The following ZNF600 variants were observed in gnomAD, a reference collection of about 807,000 sequenced individuals.
The protein encoded by ZNF600 is zinc finger protein 600.
ZNF600 carries 4 observed loss-of-function variants against 7.3 expected under a neutral mutation model. The observed-to-expected ratio is 0.55, with a 90% CI of 0.27 to 1.25. The LOEUF (loss-of-function observed/expected upper bound fraction) is 1.25, where lower values mean the gene tolerates loss of function less well. ZNF600 is among the 50% of genes most tolerant of loss of function. The pLI is 0.12. For synonymous variants in ZNF600, 290 were observed against 308.9 expected (o/e 0.94, Z 0.64); for missense variants, 911 against 922.1 (o/e 0.99, Z 0.16).
At chr19:52,820,275 G>A in the ZNF600 span, among the ~76,000 whole-genome samples, 10 of 136,544 alleles carry the variant, frequency 7.3e-5, no homozygotes, top group East Asian at 2.1e-4. Context: ...CCGCCACCGC[G>A]CCCGGCTAAT....
chr19:52,798,916 G>C, the ZNF600 span: 1 of 1,437,284 alleles, frequency 7.0e-7, no homozygotes, highest in Non-Finnish European at 9.4e-7. Flanking sequence ...TAAAGGCTTT[G>C]CCACACTCAT....
chr19:52,808,800 G>A, the ZNF600 span, among the ~76,000 whole-genome samples: 1 of 152,102 alleles, frequency 6.6e-6, no homozygotes, highest in East Asian at 1.9e-4. Context: ...GCAACAAACC[G>A]AGACCCCATC....
the ZNF600 span, among the ~76,000 whole-genome samples, chr19:52,795,864 C>CT: frequency 2.8e-3 from 379 of 133,344 alleles, 2 homozygotes; most frequent in Middle Eastern, 0.026. Flanking sequence ...CAGCACCTGG[C>CT]TTTTTTTTTT....
chr19:52,766,818 C>T lies in ZNF600; in HGVS notation c.1145G>A (p.Arg382Gln), dbSNP rs149296318. The change falls in exon 4 of 4, where the codon CGG (arginine) becomes CAG (glutamine). Residue 382 changes from arginine (R) to glutamine (Q), a missense_variant. Transcript: ENST00000648973. The stretch of plus-strand genomic sequence containing the variant: ...CTTATGTGACTCAAGGGTTGATTTC[C>T]GACTGAAAACTTTGTCACATTCTTC... The T allele has an allele frequency of 4.6e-5, 75 of 1,614,000 alleles. No individual in the cohort carries two copies. Among genetic ancestry groups the T allele is most frequent in the Middle Eastern group, 1.6e-4 (1 of 6,062 alleles).
At chr19:52,779,103 T>C (rs538925793) in intron 1 of ZNF600, among the ~76,000 whole-genome samples, 196 bp from the exon 4 acceptor site, 30 of 152,186 alleles carry the variant, frequency 2.0e-4, no homozygotes, top group African/African-American at 7.0e-4. Context: ...CAGATCTCAC[T>C]CCCCTCCTGG....
chr19:52,788,339 A>C (rs2147598374), upstream of ZNF600, among the ~76,000 whole-genome samples: 1 of 152,266 alleles, frequency 6.6e-6, no homozygotes, highest in Non-Finnish European at 1.5e-5. Context: ...ACTCCACCTG[A>C]GGAAGAGCCA....
intron 3 of ZNF600, among the ~76,000 whole-genome samples, chr19:52,770,958 C>G (rs556669610): frequency 6.6e-6 from 1 of 152,052 alleles, no homozygotes; most frequent in Non-Finnish European, 1.5e-5. Context: ...CTCAGCCACC[C>G]GAGTAGCTGG....
chr19:52,830,633 G>C, the ZNF600 span, among the ~76,000 whole-genome samples: 1 of 152,008 alleles, frequency 6.6e-6, no homozygotes, highest in African/African-American at 2.4e-5. Context: ...TGCACACACT[G>C]ATTTAAGCAG....
chr19:52,818,692 G>A, the ZNF600 span, among the ~76,000 whole-genome samples: 6 of 134,262 alleles, frequency 4.5e-5, no homozygotes, highest in East Asian at 9.9e-4. Flanking sequence ...GGGTGACAGA[G>A]TAAGACTCAA....
At chr19:52,814,481 C>T in the ZNF600 span, 2 of 145,740 alleles carry the variant, frequency 1.4e-5, 1 homozygote, top group Admixed American at 1.4e-4. Flanking sequence ...ATAATCCCAG[C>T]TACTTAGGAG....
At chr19:52,780,076 G>A (rs1412432452) in intron 1 of ZNF600, among the ~76,000 whole-genome samples, 2 of 152,048 alleles carry the variant, frequency 1.3e-5, no homozygotes, top group Admixed American at 1.3e-4. Flanking sequence ...TGACCTGGAA[G>A]CCCACTCCGT....
At chr19:52,780,003 G>A (rs1275103913) in intron 1 of ZNF600, among the ~76,000 whole-genome samples, 1 of 152,038 alleles carries the variant, frequency 6.6e-6, no homozygotes, top group African/African-American at 2.4e-5. Context: ...GTGACAAAAG[G>A]AGACTTCATC....
chr19:52,770,363 A>G (rs2062621253), intron 3 of ZNF600, among the ~76,000 whole-genome samples: 1 of 152,168 alleles, frequency 6.6e-6, no homozygotes, highest in Admixed American at 6.6e-5. Flanking sequence ...AATCATTTGA[A>G]CCCAGGAGGC....
chr19:52,818,671 C>T, the ZNF600 span, among the ~76,000 whole-genome samples: 1 of 151,856 alleles, frequency 6.6e-6, no homozygotes, highest in African/African-American at 2.4e-5. Context: ...CGCGCCACTC[C>T]ACTCCTGCCT....
At chr19:52,829,213 A>C in the ZNF600 span, among the ~76,000 whole-genome samples, 2 of 45,396 alleles carry the variant, frequency 4.4e-5, no homozygotes, top group Admixed American at 3.9e-4. Flanking sequence ...ATTTTATTTT[A>C]TTTTATTTTA....
At chr19:52,802,736 T>A in the ZNF600 span, among the ~76,000 whole-genome samples, 3 of 150,466 alleles carry the variant, frequency 2.0e-5, no homozygotes, top group Non-Finnish European at 2.9e-5. Flanking sequence ...ATTACCTATA[T>A]CCATGTGGAA....
the ZNF600 span, chr19:52,800,050 T>C: frequency 1.2e-6 from 2 of 1,614,190 alleles, no homozygotes; most frequent in East Asian, 4.5e-5. Context: ...GTATGAACTC[T>C]CTGATGTTGT....
At chr19:52,829,725 T>G in the ZNF600 span, among the ~76,000 whole-genome samples, 1 of 152,104 alleles carries the variant, frequency 6.6e-6, no homozygotes, top group East Asian at 1.9e-4. Context: ...TTGGACTGAC[T>G]GGTCTCAAAC....
chr19:52,778,959 C>T lies in ZNF600; in HGVS notation c.-19-52G>A, dbSNP rs961189271. The T allele has an allele frequency of 7.2e-6, 11 of 1,523,012 alleles. No individual in the cohort carries two copies. In the African/African-American group the frequency reaches 1.1e-4, roughly 15 times the overall value. 94.3% of individuals were successfully genotyped at this position (1,523,012 alleles called of 1,614,324 possible). ...TTGTTAGAAATGACTCACTCCCATC[C>T]TGTGACAAAACCACATGAACAGGGG... On this transcript the variant is annotated intron_variant, in intron 1 of 3. Coordinates refer to ENST00000648973, the Ensembl canonical transcript of ZNF600.
Sources: allele counts gnomAD v4.1 joint callset (sites outside exome capture counted in the v4.1 genomes callset), GRCh38; gene constraint gnomAD v4.1.1; transcripts MANE v1.5; gene names NCBI Gene and HGNC (gene_info 2026-07-23, HGNC 2026-07-21).